LDB2: variants seen among roughly 807,000 people sequenced by gnomAD.
LDB2 encodes the protein LIM domain-binding protein 2.
LDB2 carries 12 observed loss-of-function variants against 44.3 expected under a neutral mutation model. The ratio of observed to expected loss-of-function variants is 0.27; its 90% confidence interval spans 0.17 to 0.44. LDB2 has a LOEUF of 0.44. Ranked by LOEUF, LDB2 falls within the 20% of genes least tolerant of loss-of-function variation. LDB2 has a pLI of 1.00. For missense variants in LDB2, 344 were observed against 473.5 expected (o/e 0.73, Z 2.54); for synonymous variants, 164 against 174.8 (o/e 0.94, Z 0.49).
intron 2 of LDB2, among the ~76,000 whole-genome samples, chr4:16,615,889 C>G (rs371794883): frequency 6.6e-6 from 1 of 152,156 alleles, no homozygotes; most frequent in African/African-American, 2.4e-5. Flanking sequence ...GACTTGACTC[C>G]GTGCTCTGCC....
chr4:16,590,478 A>G (rs1718547508), intron 3 of LDB2, among the ~76,000 whole-genome samples: 1 of 152,240 alleles, frequency 6.6e-6, no homozygotes, highest in South Asian at 2.1e-4. Context: ...AATGTAACAC[A>G]AAACACCACC....
chr4:16,749,483 GGGAGGT>G (rs971001626), intron 2 of LDB2, among the ~76,000 whole-genome samples: 1 of 146,978 alleles, frequency 6.8e-6, no homozygotes, highest in Non-Finnish European at 1.5e-5. Context: ...GCTTGAACCT[GGGAGGT>G]GGAGGTTGCA....
intron 2 of LDB2, among the ~76,000 whole-genome samples, chr4:16,602,960 T>G (rs1340332850): frequency 6.6e-6 from 1 of 152,172 alleles, no homozygotes; most frequent in East Asian, 1.9e-4. Context: ...AATATGTGAA[T>G]TTATAGGTCT....
At chr4:16,529,532 A>C (rs762107598) in intron 5 of LDB2, among the ~76,000 whole-genome samples, 13 of 152,132 alleles carry the variant, frequency 8.5e-5, no homozygotes, top group Admixed American at 3.3e-4. Flanking sequence ...TTCTAATTTC[A>C]TTGTGTGTTT....
At chr4:16,768,923 C>G (rs933623718) in intron 1 of LDB2, among the ~76,000 whole-genome samples, 36 of 152,180 alleles carry the variant, frequency 2.4e-4, no homozygotes, top group African/African-American at 7.7e-4. Context: ...CATGACACAG[C>G]TATCAAATTG....
In LDB2 at chr4:16,731,567, C is replaced by T. The variant is rs572721676; in HGVS notation, c.235+27591G>A. On this transcript the variant is annotated intron_variant, in intron 2 of 7. Transcript: ENST00000304523. ...ACACAAAAAAGTCAAGTGAGCAAGC[C>T]AAGATGGAAGTCAGAAAGAGAGCCC... Among the ~76,000 whole-genome samples the T allele has an allele frequency of 3.3e-5, 5 of 152,240 alleles. No individual in the cohort carries two copies. The East Asian group carries it at 7.7e-4, about 24-fold the overall frequency.
At chr4:16,561,324 G>A (rs951854446) in intron 5 of LDB2, among the ~76,000 whole-genome samples, 2 of 152,136 alleles carry the variant, frequency 1.3e-5, no homozygotes, top group Middle Eastern at 3.2e-3. Flanking sequence ...AAACCCCATC[G>A]TCTCAGCTGA....
In LDB2 at chr4:16,759,149, C is replaced by G. The variant is rs768250856; in HGVS notation, c.235+9G>C. Reference sequence around the variant, plus strand: ...GAGGTAATATTAGAAAAATAAACTTCTTTCTTACTGTATCGCTTTGGTCCA... The same window carrying G: ...GAGGTAATATTAGAAAAATAAACTTGTTTCTTACTGTATCGCTTTGGTCCA... On this transcript the variant is annotated intron_variant, in intron 2 of 7. Transcript: ENST00000304523. The G allele has an allele frequency of 1.9e-6, 3 of 1,592,520 alleles. No individual in the cohort carries two copies. The highest frequency in any genetic ancestry group is 2.7e-5 in the African/African-American group (2 of 74,400).
chr4:16,571,014 G>A (rs115832243), intron 5 of LDB2, among the ~76,000 whole-genome samples: 1 of 152,126 alleles, frequency 6.6e-6, no homozygotes. Context: ...AAAGTCCCTG[G>A]CATGATAAGA....
intron 7 of LDB2, among the ~76,000 whole-genome samples, chr4:16,507,908 A>G (rs1420389676): frequency 1.3e-5 from 2 of 152,230 alleles, no homozygotes; most frequent in Non-Finnish European, 2.9e-5. Flanking sequence ...TGGAATTCAA[A>G]GAAGTCCCCT....
At chr4:16,717,458 A>G (rs1003176844) in intron 2 of LDB2, among the ~76,000 whole-genome samples, 4 of 152,118 alleles carry the variant, frequency 2.6e-5, no homozygotes, top group Admixed American at 2.0e-4. Context: ...TAATGAAAAT[A>G]GCTGCTATTG....
intron 1 of LDB2, among the ~76,000 whole-genome samples, chr4:16,789,327 G>A (rs1775193479): frequency 6.6e-6 from 1 of 152,202 alleles, no homozygotes; most frequent in African/African-American, 2.4e-5. Flanking sequence ...CGATGAGTCA[G>A]ATGTTGAACT....
At chr4:16,774,622 C>T (rs1771491927) in intron 1 of LDB2, among the ~76,000 whole-genome samples, 1 of 152,120 alleles carries the variant, frequency 6.6e-6, no homozygotes, top group South Asian at 2.1e-4. Context: ...CCTTATTTTA[C>T]AGGTGAAGAA....
At chr4:16,764,660 A>C (rs1768794242) in intron 1 of LDB2, among the ~76,000 whole-genome samples, 1 of 152,200 alleles carries the variant, frequency 6.6e-6, no homozygotes, top group East Asian at 1.9e-4. Context: ...CATTTGAAAG[A>C]AAAGATACTA....
intron 2 of LDB2, among the ~76,000 whole-genome samples, chr4:16,707,498 A>C (rs1405738125): frequency 1.3e-5 from 2 of 152,202 alleles, no homozygotes; most frequent in Non-Finnish European, 2.9e-5. Flanking sequence ...TGTTATTGTC[A>C]ATAGCAAACT....
intron 2 of LDB2, among the ~76,000 whole-genome samples, chr4:16,664,777 G>A (rs192109356): frequency 2.9e-4 from 44 of 152,320 alleles, no homozygotes; most frequent in African/African-American, 1.1e-3. Context: ...TAATGAATGT[G>A]GAATAGGTGC....
intron 2 of LDB2, among the ~76,000 whole-genome samples, chr4:16,683,123 G>T (rs1748367557): frequency 6.6e-6 from 1 of 152,150 alleles, no homozygotes; most frequent in South Asian, 2.1e-4. Context: ...AATGTTTATG[G>T]AGTACCGCAC....
rs746730821 is a variant in LDB2, at chr4:16,502,576, A to G, written c.*67T>C. 8 of 1,581,408 alleles carry G rather than the reference A, an allele frequency of 5.1e-6. No individual in the cohort carries two copies. In the African/African-American group the frequency reaches 6.8e-5, roughly 13 times the overall value. On this transcript the variant is annotated 3_prime_UTR_variant, in exon 8 of 8. Transcript: ENST00000304523. ...TATCTCTTCTGTTTCCTCTCCTGTA[A>G]GTAAAGATTTGCAATTGTAATGATC... is the stretch of plus-strand genomic sequence containing the variant.
chr4:16,715,800 CAAG>C (rs1756957809), intron 2 of LDB2, among the ~76,000 whole-genome samples: 2 of 151,946 alleles, frequency 1.3e-5, no homozygotes, highest in South Asian at 4.2e-4. Flanking sequence ...ATTCAACCCA[CAAG>C]AAGGAGTCAA....
Sources: gnomAD v4.1 joint callset for allele counts (sites outside exome capture counted in the v4.1 genomes callset) on GRCh38, gnomAD v4.1.1 for gene constraint, MANE v1.5 for transcripts, NCBI Gene and HGNC (gene_info 2026-07-23, HGNC 2026-07-21) for gene names.